Variants in SRPK2 observed in about 807,000 individuals in gnomAD.
SRPK2 encodes SFRS protein kinase 2.
SRPK2 carries 21 observed loss-of-function variants against 90.8 expected under a neutral mutation model. The observed-to-expected ratio is 0.23, with a 90% CI of 0.16 to 0.33. The LOEUF (loss-of-function observed/expected upper bound fraction) is 0.33, where lower values mean the gene tolerates loss of function less well. Ranked by LOEUF, SRPK2 falls within the 10% of genes least tolerant of loss-of-function variation. The pLI, the probability that SRPK2 is intolerant of heterozygous loss-of-function variation, is 1.00. For synonymous variants in SRPK2, 288 were observed against 311.1 expected (o/e 0.93, Z 0.78); for missense variants, 620 against 869.0 (o/e 0.71, Z 3.60).
intron 3 of SRPK2, among the ~76,000 whole-genome samples, chr7:105,174,238 A>G (rs1791542784): frequency 6.6e-6 from 1 of 152,140 alleles, no homozygotes; most frequent in Non-Finnish European, 1.5e-5. Context: ...TGCTAATAAG[A>G]AGACTCCAAA....
At chr7:105,129,002 G>A (rs752681210) in intron 13 of SRPK2, among the ~76,000 whole-genome samples, 2 of 152,118 alleles carry the variant, frequency 1.3e-5, no homozygotes, top group Non-Finnish European at 2.9e-5. Flanking sequence ...ACGGAGTCTC[G>A]CTCTGTCACC....
chr7:105,386,641 T>C (rs1368452314), intron 2 of SRPK2, among the ~76,000 whole-genome samples: 3 of 151,820 alleles, frequency 2.0e-5, no homozygotes, highest in Admixed American at 1.3e-4. Context: ...CCCTTGAACC[T>C]GGGAGGCGGA....
rs1563027056 is a variant in SRPK2, at chr7:105,170,971, A to AAGAAAGAAAGAAAGAAAGAAAG, written c.230-1707_230-1706insCTTTCTTTCTTTCTTTCTTTCT. ...AGAAAGAAAGAAAGAAAGAAAGAGA[A>AAGAAAGAAAGAAAGAAAGAAAG]AGAAAGAGAAAGAAAGAAAGAAAGA... On this transcript the variant is annotated intron_variant, in intron 3 of 15. Coordinates refer to ENST00000393651, the MANE Select transcript of SRPK2 (RefSeq NM_182692.3). 3.0e-4 allele frequency among the ~76,000 whole-genome samples: 24 copies of AAGAAAGAAAGAAAGAAAGAAAG among 81,318 alleles called. 5 individuals are homozygous for AAGAAAGAAAGAAAGAAAGAAAG. The highest frequency in any genetic ancestry group is 1.1e-3 in the African/African-American group (22 of 19,688). The allele number at this position is 81,318 out of a possible 152,430, so 53.3% of individuals were successfully genotyped here. A position where few individuals can be genotyped will look rare whatever the true frequency, so the allele number is the denominator to read the frequency against.
chr7:105,337,263 G>C (rs1023178161), intron 2 of SRPK2, among the ~76,000 whole-genome samples: 2 of 151,954 alleles, frequency 1.3e-5, no homozygotes, highest in Non-Finnish European at 2.9e-5. Flanking sequence ...TGGGGCCTTT[G>C]GCAGGTAATT....
chr7:105,385,117 C>A (rs551337716), intron 2 of SRPK2, among the ~76,000 whole-genome samples: 5 of 150,166 alleles, frequency 3.3e-5, no homozygotes, highest in African/African-American at 1.2e-4. Flanking sequence ...CGTGATCCGC[C>A]CGCCTCGGCC....
At chr7:105,192,937 T>C (rs1164330928) in intron 3 of SRPK2, among the ~76,000 whole-genome samples, 1 of 152,218 alleles carries the variant, frequency 6.6e-6, no homozygotes, top group African/African-American at 2.4e-5. Context: ...TTCTGGATAT[T>C]AGTCCTTTGT....
At chr7:105,121,982 T>TG (rs1800447699) in intron 15 of SRPK2, among the ~76,000 whole-genome samples, 1 of 152,174 alleles carries the variant, frequency 6.6e-6, no homozygotes, top group South Asian at 2.1e-4. Flanking sequence ...GATATAAAAC[T>TG]GATGAGCATC....
intron 9 of SRPK2, among the ~76,000 whole-genome samples, chr7:105,144,662 C>G (rs905596277): frequency 6.6e-6 from 1 of 152,162 alleles, no homozygotes; most frequent in African/African-American, 2.4e-5. Context: ...AGCAGCCAAT[C>G]AGAAATAATG....
intron 11 of SRPK2, among the ~76,000 whole-genome samples, chr7:105,141,167 T>C (rs574206596): frequency 6.6e-6 from 1 of 152,304 alleles, no homozygotes; most frequent in East Asian, 1.9e-4. Flanking sequence ...GGATTCATCA[T>C]AGCCAGTGCG....
At chr7:105,326,392 A>G (rs1375962037) in intron 2 of SRPK2, among the ~76,000 whole-genome samples, 3 of 152,218 alleles carry the variant, frequency 2.0e-5, no homozygotes, top group Non-Finnish European at 4.4e-5. Flanking sequence ...TTTGAAGTAC[A>G]TTATCTTCTC....
At chr7:105,161,386 A>G (rs536978489) in intron 6 of SRPK2, among the ~76,000 whole-genome samples, 1 of 152,306 alleles carries the variant, frequency 6.6e-6, no homozygotes, top group East Asian at 1.9e-4. Flanking sequence ...TGAATGGGGA[A>G]CCAGCAGATA....
intron 2 of SRPK2, among the ~76,000 whole-genome samples, chr7:105,335,717 G>T (rs1585763847): frequency 6.6e-6 from 1 of 151,760 alleles, no homozygotes; most frequent in East Asian, 1.9e-4. Context: ...ACTTTGGGAG[G>T]CTGAGGCAGG....
intron 2 of SRPK2, among the ~76,000 whole-genome samples, chr7:105,278,272 G>A (rs1392951966): frequency 1.0e-4 from 15 of 148,314 alleles, no homozygotes; most frequent in East Asian, 5.9e-4. Flanking sequence ...CTGAGATCAC[G>A]CTACTGCACT....
At chr7:105,181,448 G>C (rs925315083) in intron 3 of SRPK2, among the ~76,000 whole-genome samples, 1 of 152,144 alleles carries the variant, frequency 6.6e-6, no homozygotes, top group Admixed American at 6.5e-5. Context: ...TATTCCCAAT[G>C]ACAAAGGCAT....
At chr7:105,225,935 T>C (rs2129617950) in intron 2 of SRPK2, among the ~76,000 whole-genome samples, 1 of 152,332 alleles carries the variant, frequency 6.6e-6, no homozygotes, top group African/African-American at 2.4e-5. Flanking sequence ...ACATTTCAAC[T>C]GCTCAACAGC....
chr7:105,398,602 A>C (rs757206780), intron 1 of SRPK2, among the ~76,000 whole-genome samples: 1 of 152,206 alleles, frequency 6.6e-6, no homozygotes, highest in Non-Finnish European at 1.5e-5. Context: ...CATGTTGGCC[A>C]GGCTGGCCCA....
rs1221074618 is a variant in SRPK2, at chr7:105,149,112, TAA to T, written c.622-2456_622-2455del. Among the ~76,000 whole-genome samples, 4 of 152,182 alleles carry T rather than the reference TAA, an allele frequency of 2.6e-5. No homozygotes were observed. In the East Asian group the frequency reaches 7.7e-4, roughly 29 times the overall value. The stretch of plus-strand genomic sequence containing the variant: ...AAGGGTCTGTGCTGAGATGGATTAG[TAA>T]AAGAGGAAAGCCTCTTGCAGTTGAG... On this transcript the variant is annotated intron_variant, in intron 7 of 15. Coordinates refer to ENST00000393651, the MANE Select transcript of SRPK2 (RefSeq NM_182692.3).
intron 6 of SRPK2, among the ~76,000 whole-genome samples, chr7:105,164,028 C>T (rs1808130637): frequency 6.6e-6 from 1 of 152,164 alleles, no homozygotes. Context: ...CGATCGAGAT[C>T]CTGAGGCATT....
At chr7:105,227,873 C>T (rs1422847138) in intron 2 of SRPK2, among the ~76,000 whole-genome samples, 1 of 84,432 alleles carries the variant, frequency 1.2e-5, no homozygotes, top group Admixed American at 1.5e-4. Context: ...AGTGTATCCA[C>T]AAAACAGAGT....
Sources: allele counts gnomAD v4.1 joint callset (sites outside exome capture counted in the v4.1 genomes callset), GRCh38; gene constraint gnomAD v4.1.1; transcripts MANE v1.5; gene names NCBI Gene and HGNC (gene_info 2026-07-23, HGNC 2026-07-21).